Variants in SMIM14 observed in about 807,000 individuals in gnomAD.
SMIM14 encodes small integral membrane protein 14, also known as chromosome 4 open reading frame 34.
Under a neutral mutation model 12.6 loss-of-function variants are expected in SMIM14, and 5 were observed. The ratio of observed to expected loss-of-function variants is 0.40; its 90% CI spans 0.21 to 0.83. SMIM14 has a LOEUF of 0.83. SMIM14 is among the 40% of genes least tolerant of loss of function. SMIM14 has a pLI of 0.37. For missense variants in SMIM14, 86 were observed against 119.1 expected (o/e 0.72, Z 1.29); for synonymous variants, 30 against 40.1 (o/e 0.75, Z 0.95).
chr4:39,633,045 G>C (rs1358741593), intron 1 of SMIM14, among the ~76,000 whole-genome samples: 1 of 151,912 alleles, frequency 6.6e-6, no homozygotes, highest in Non-Finnish European at 1.5e-5. Flanking sequence ...TGTAATCCTA[G>C]CACTTTGGGA....
At chr4:39,589,422 G>A (rs1291201160) in intron 2 of SMIM14, among the ~76,000 whole-genome samples, 1 of 152,162 alleles carries the variant, frequency 6.6e-6, no homozygotes, top group East Asian at 1.9e-4. Flanking sequence ...AGAAGTTTTA[G>A]TTATGCTGTT....
At chr4:39,572,585 G>T in intron 2 of SMIM14, 122 bp from the exon 3 acceptor site, 1 of 733,552 alleles carries the variant, frequency 1.4e-6, no homozygotes, top group Non-Finnish European at 2.3e-6. Context: ...CACTTTGGAG[G>T]CTGAGGTGGG....
At chr4:39,583,399 A>G (rs1037827828) in intron 2 of SMIM14, among the ~76,000 whole-genome samples, 1 of 152,064 alleles carries the variant, frequency 6.6e-6, no homozygotes, top group Non-Finnish European at 1.5e-5. Context: ...TGCCTGGGCT[A>G]TTATTCTAAC....
chr4:39,571,424 T>G (rs556693159), intron 3 of SMIM14, among the ~76,000 whole-genome samples: 1 of 152,028 alleles, frequency 6.6e-6, no homozygotes, highest in African/African-American at 2.4e-5. Flanking sequence ...CAAAAAATTC[T>G]AAAAAATTAG....
chr4:39,631,459 C>CT, intron 1 of SMIM14, among the ~76,000 whole-genome samples: 1 of 151,760 alleles, frequency 6.6e-6, no homozygotes, highest in South Asian at 2.1e-4. Flanking sequence ...GAGATCGAGA[C>CT]CATCCTGGCT....
At chr4:39,579,839 G>A (rs546897637) in intron 2 of SMIM14, among the ~76,000 whole-genome samples, 1,353 of 69,640 alleles carry the variant, frequency 0.019, 10 homozygotes, top group Non-Finnish European at 0.035. Flanking sequence ...GTGAGACTCC[G>A]TCTCAAAAAA....
intron 1 of SMIM14, among the ~76,000 whole-genome samples, chr4:39,631,435 G>C (rs930372602): frequency 1.3e-5 from 2 of 151,716 alleles, no homozygotes; most frequent in African/African-American, 4.8e-5. Context: ...AAGGCGGGCG[G>C]ATCACGAGGT....
chr4:39,621,960 G>A (rs13105489), intron 1 of SMIM14, among the ~76,000 whole-genome samples: 10,714 of 151,650 alleles, frequency 0.071, 457 homozygotes, highest in African/African-American at 0.082. Flanking sequence ...GGGATTACAC[G>A]AATGAGCCAC....
At chr4:39,575,095 T>G (rs1713103416) in intron 2 of SMIM14, among the ~76,000 whole-genome samples, 1 of 151,198 alleles carries the variant, frequency 6.6e-6, no homozygotes, top group Non-Finnish European at 1.5e-5. Context: ...TTTTTTTTTT[T>G]TTTTGAGACA....
At chr4:39,619,043 C>G (rs1168692484) in intron 1 of SMIM14, among the ~76,000 whole-genome samples, 2 of 151,752 alleles carry the variant, frequency 1.3e-5, no homozygotes, top group Non-Finnish European at 2.9e-5. Flanking sequence ...TATCTCTAAC[C>G]AACAAATTAA....
chr4:39,598,994 C>G (rs561738389), intron 2 of SMIM14, among the ~76,000 whole-genome samples: 148 of 152,332 alleles, frequency 9.7e-4, no homozygotes, highest in African/African-American at 3.4e-3. Context: ...AAATCCTAGT[C>G]TTCTTTCTTG....
chr4:39,629,379 G>GATAC (rs1715823414), intron 1 of SMIM14, among the ~76,000 whole-genome samples: 1 of 54,736 alleles, frequency 1.8e-5, no homozygotes, highest in Non-Finnish European at 4.0e-5. Context: ...AAAAAAAAAA[G>GATAC]ATACATATAT....
At chr4:39,581,901 C>A (rs1467946685) in intron 2 of SMIM14, among the ~76,000 whole-genome samples, 2 of 137,052 alleles carry the variant, frequency 1.5e-5, no homozygotes, top group Non-Finnish European at 3.1e-5. Context: ...GACTGAGTTT[C>A]ACTCTTGTTG....
chr4:39,627,406 G>A (rs75325969), intron 1 of SMIM14, among the ~76,000 whole-genome samples: 1,847 of 152,246 alleles, frequency 0.012, 21 homozygotes, highest in Non-Finnish European at 0.022. Flanking sequence ...TGGGACAGCA[G>A]AAAGAACATC....
chr4:39,586,258 C>T (rs1713778925), intron 2 of SMIM14, among the ~76,000 whole-genome samples: 1 of 151,968 alleles, frequency 6.6e-6, no homozygotes, highest in Admixed American at 6.6e-5. Flanking sequence ...CAATTGGCTT[C>T]CCTCTTTTCA....
chr4:39,556,117 C>T (rs187502720), intron 4 of SMIM14, among the ~76,000 whole-genome samples: 2 of 150,606 alleles, frequency 1.3e-5, no homozygotes, highest in African/African-American at 4.9e-5. Context: ...GAGCTAAGAT[C>T]GCACCAGTGC....
chr4:39,563,979 G>A (rs565337993), intron 3 of SMIM14, among the ~76,000 whole-genome samples: 1 of 151,926 alleles, frequency 6.6e-6, no homozygotes, highest in South Asian at 2.1e-4. Flanking sequence ...CCAGGCTGGA[G>A]TGCAGTGGCA....
chr4:39,576,815 G>C (rs1332325806), intron 2 of SMIM14, among the ~76,000 whole-genome samples: 1 of 143,226 alleles, frequency 7.0e-6, no homozygotes, highest in African/African-American at 2.6e-5. Flanking sequence ...GGGTTCAAGC[G>C]ATTCTCCTGC....
At chr4:39,563,852 GTTTC>G (rs1333899089) in intron 3 of SMIM14, among the ~76,000 whole-genome samples, 9 of 152,046 alleles carry the variant, frequency 5.9e-5, no homozygotes, top group Admixed American at 5.9e-4. Flanking sequence ...TGAGCCTCAA[GTTTC>G]TTTTTCTTTT....
Sources: gnomAD v4.1 joint callset for allele counts (sites outside exome capture counted in the v4.1 genomes callset) on GRCh38, gnomAD v4.1.1 for gene constraint, MANE v1.5 for transcripts, NCBI Gene and HGNC (gene_info 2026-07-23, HGNC 2026-07-21) for gene names.